Variants in URB2 observed in about 807,000 individuals in gnomAD.
URB2 encodes URB2 ribosome biogenesis homolog.
A neutral mutation model predicts 120.9 loss-of-function variants in URB2; 86 were observed. That is an observed-to-expected ratio of 0.71 (90% CI 0.60 to 0.85). URB2 has a LOEUF of 0.85. Among genes scored for constraint, URB2 ranks in the 40% least tolerant of loss-of-function variants. The probability of loss-of-function intolerance (pLI) is 0.00; values close to 1 mark genes in which losing one functional copy is unlikely to be tolerated. For synonymous variants in URB2, 755 were observed against 758.4 expected, an observed-to-expected ratio of 1.00 and a Z score of 0.07; for missense variants, 1,765 against 1,836.5, an observed-to-expected ratio of 0.96 and a Z score of 0.71.
chr1:229,638,289 C>T lies in URB2; in HGVS notation c.3634+42C>T, dbSNP rs536928899. The T allele has an allele frequency of 5.9e-6, 9 of 1,523,144 alleles. No homozygotes were observed. The East Asian group carries it at 1.6e-4, about 27-fold the overall frequency. The allele number at this position is 1,523,144 out of a possible 1,614,324, so 94.4% of individuals were successfully genotyped here. A position where few individuals can be genotyped will look rare whatever the true frequency, so the allele number is the denominator to read the frequency against. On this transcript the variant is annotated intron_variant, in intron 4 of 9. Coordinates refer to ENST00000258243, the MANE Select transcript of URB2 (RefSeq NM_014777.4). ...TGAGCTAATTCTGTGTTATAGAGGT[C>T]TGGTTTCCACTGCTCCCCTTTTTGG...
At position 229,632,408 on chromosome 1, in the gene URB2, A is replaced by G. The variant is rs369255316; in HGVS notation, c.266A>G (p.Asn89Ser). Residue 89 changes from asparagine to serine, a missense_variant, in exon 3 of 10, where the codon AAT (asparagine) becomes AGT (serine). Transcript: ENST00000258243. ...HSRKLQNLLK[N>S]GKTINLQISL... is the part of the protein sequence containing the mutation. The stretch of plus-strand genomic sequence containing the variant: ...AGAAAATTGCAGAATCTCCTCAAGA[A>G]TGGAAAGACCATTAATCTTCAGATT... 370 of 1,578,756 alleles carry G rather than the reference A, an allele frequency of 2.3e-4. No homozygotes were observed. The highest frequency in any genetic ancestry group is 3.0e-4 in the Non-Finnish European group (355 of 1,168,198).
In URB2 at chr1:229,636,097, C is replaced by G; in HGVS notation, c.1484C>G (p.Ser495Cys). 1 of 1,614,238 alleles carries G rather than the reference C, an allele frequency of 6.2e-7. No homozygotes were observed. The highest frequency in any genetic ancestry group is 8.5e-7 in the Non-Finnish European group (1 of 1,180,034). ...LRQPVLASGP[S>C]TVLSACLLEL... ...CAGCCTGTGCTGGCCTCGGGCCCCT[C>G]CACGGTACTCTCTGCATGCCTCCTG... Residue 495 changes from serine (S) to cysteine (C), a missense_variant, in exon 4 of 10, where the codon TCC becomes TGC. By Grantham distance (112) the Ser-to-Cys change is moderately radical (BLOSUM62 -1). Transcript: ENST00000258243.
chr1:229,658,466 T>C (rs1031459658), intron 9 of URB2, among the ~76,000 whole-genome samples: 10 of 152,222 alleles, frequency 6.6e-5, no homozygotes, highest in Non-Finnish European at 1.0e-4. Context: ...ATTAAGTGCA[T>C]ATTGTGCTGT....
intron 3 of URB2, among the ~76,000 whole-genome samples, chr1:229,633,491 A>T (rs1323369732): frequency 1.3e-5 from 2 of 152,238 alleles, no homozygotes; most frequent in Non-Finnish European, 2.9e-5. Context: ...GGAAAAATCG[A>T]TGAGTTGTAT....
Position 229,635,402 on chromosome 1 carries a change from AG to A in URB2, c.793del (p.Asp265MetfsTer2), listed in dbSNP as rs1665775411. The A allele has an allele frequency of 6.2e-7, 1 of 1,613,962 alleles. No individual in the cohort carries two copies. Among genetic ancestry groups the A allele is most frequent in the Non-Finnish European group, 8.5e-7 (1 of 1,180,008 alleles). The stretch of plus-strand genomic sequence containing the variant: ...AGGAGGGGCTCTTGGACCAGCAGCA[AG>A]GGGATGTGAAGACGGGAGCCATGAA... ...YKEGLLDQQQ[G>X]DVKTGAMKNL... On this transcript the variant is annotated frameshift_variant, in exon 4 of 10. Transcript: ENST00000258243. LOFTEE classifies it high-confidence loss of function.
intron 3 of URB2, 110 bp downstream of exon 3, chr1:229,632,555 G>T: frequency 1.1e-6 from 1 of 893,738 alleles, no homozygotes; most frequent in Non-Finnish European, 1.6e-6. Context: ...AAATACTAAG[G>T]TAGGAGAAAA....
rs1237274863 is a variant in URB2 at position 229,654,385 on chromosome 1, G to A, written c.4374G>A (p.Gln1458=). 1 of 1,614,106 alleles carries A rather than the reference G, an allele frequency of 6.2e-7. No homozygotes were observed. Among genetic ancestry groups the A allele is most frequent in the Non-Finnish European group, 8.5e-7 (1 of 1,180,058 alleles). Residue 1458 remains glutamine, a synonymous_variant, in exon 9 of 10, where the codon CAG becomes CAA. Coordinates refer to ENST00000258243, the MANE Select transcript of URB2 (RefSeq NM_014777.4). The part of the protein sequence containing the change: ...FMVAQYVLEV[Q]KVTLYPAVKS... ...TGGCCCAGTACGTGTTGGAGGTACA[G>A]AAGGTAAAATTGGGTTCAATGTCTT...
intron 3 of URB2, among the ~76,000 whole-genome samples, chr1:229,632,734 GT>G (rs1665702927): frequency 6.7e-6 from 1 of 149,492 alleles, no homozygotes; most frequent in African/African-American, 2.5e-5. Context: ...TCTCTGATTT[GT>G]TTTTCTTCTT....
In URB2 at chr1:229,636,350, C is replaced by T. The variant is rs754675516; in HGVS notation, c.1737C>T (p.Leu579=). The change falls in exon 4 of 10, where the codon CTC becomes CTT. Residue 579 remains leucine, a synonymous_variant. Coordinates refer to ENST00000258243, the MANE Select transcript of URB2 (RefSeq NM_014777.4). ...QCMMERMMRE[L]VQPLLALLPD... ...TGATGGAGAGGATGATGAGGGAGCT[C>T]GTGCAGCCCCTGCTGGCCCTTCTCC... 2.2e-5 allele frequency: 35 copies of T among 1,614,158 alleles called. No homozygotes were observed. Among genetic ancestry groups the T allele is most frequent in the Middle Eastern group, 1.6e-4 (1 of 6,062 alleles).
chr1:229,659,190 C>T lies in URB2; in HGVS notation c.4468C>T (p.Arg1490Trp), dbSNP rs114573548. ...CATCGAGCCTGACGTCCAGTTCCTG[C>T]GGGCCTCGCTGCAGCCGGGAATGAG... ...LCIEPDVQFL[R>W]ASLQPGMRDI... The change falls in exon 10 of 10, where the codon CGG becomes TGG. Residue 1490 changes from arginine (R) to tryptophan (W), a missense_variant. Physicochemically the swap from Arg to Trp is moderately radical, Grantham distance 101. Coordinates refer to ENST00000258243, the MANE Select transcript of URB2 (RefSeq NM_014777.4). 99 of 1,613,736 alleles carry T rather than the reference C, an allele frequency of 6.1e-5. No individual in the cohort carries two copies. The East Asian group carries it at 8.9e-4, about 15-fold the overall frequency.
intron 6 of URB2, 39 bp downstream of exon 6, chr1:229,646,008 C>T (rs1666140176): frequency 1.9e-6 from 3 of 1,578,172 alleles, no homozygotes; most frequent in Admixed American, 1.7e-5. Context: ...AGCTCCTCCC[C>T]TCCCTCTTCC....
At position 229,630,227 on chromosome 1, in the gene URB2, C is replaced by T. The variant is rs982545882; in HGVS notation, c.127-2042C>T. Among the ~76,000 whole-genome samples, 5 of 152,268 alleles carry T rather than the reference C, an allele frequency of 3.3e-5. No homozygotes were observed. The East Asian group carries it at 5.8e-4, about 18-fold the overall frequency. On this transcript the variant is annotated intron_variant, in intron 2 of 9. Transcript: ENST00000258243. ...TCTTCAGTTTGACTTTCTCCACATCCGTCAGAGAAATCACTATGGCACCTA... is the reference window on the plus strand; with the variant it reads ...TCTTCAGTTTGACTTTCTCCACATCTGTCAGAGAAATCACTATGGCACCTA...
rs761301055 is a variant in URB2 at position 229,636,779 on chromosome 1, C to T, written c.2166C>T (p.Ser722=). The T allele has an allele frequency of 3.5e-5, 56 of 1,612,088 alleles. No homozygotes were observed. The highest frequency in any genetic ancestry group is 3.8e-5 in the Non-Finnish European group (45 of 1,178,638). The change falls in exon 4 of 10, where the codon TCC becomes TCT. Residue 722 remains serine, a synonymous_variant. Coordinates refer to ENST00000258243, the MANE Select transcript of URB2 (RefSeq NM_014777.4). ...GCTTGAATCAGAGAACGACGGCTTC[C>T]TGGGATGGCCAAGTTGGGATGGTGA... ...RKSLNQRTTA[S]WDGQVGMVSG...
At chr1:229,632,129 G>C (rs1665681754) in intron 2 of URB2, 140 bp from the exon 3 acceptor site, 1 of 545,228 alleles carries the variant, frequency 1.8e-6, no homozygotes, top group Admixed American at 4.2e-5. Context: ...TATTATCAAA[G>C]GTAAGTTGTA....
intron 8 of URB2, among the ~76,000 whole-genome samples, chr1:229,652,107 G>C (rs998985330): frequency 2.0e-5 from 3 of 152,082 alleles, no homozygotes; most frequent in African/African-American, 7.2e-5. Context: ...GCTTGAGCCC[G>C]GGAGGCGGAG....
At chr1:229,633,427 T>G (rs1665719734) in intron 3 of URB2, among the ~76,000 whole-genome samples, 1 of 152,250 alleles carries the variant, frequency 6.6e-6, no homozygotes, top group Non-Finnish European at 1.5e-5. Flanking sequence ...ATGTTAGTGC[T>G]GCAGCATATG....
At chr1:229,646,260 G>A (rs534149354) in intron 6 of URB2, among the ~76,000 whole-genome samples, 7 of 152,310 alleles carry the variant, frequency 4.6e-5, no homozygotes, top group South Asian at 2.1e-4. Context: ...GGAGGCTATC[G>A]TGGAGGCCTG....
intron 3 of URB2, among the ~76,000 whole-genome samples, chr1:229,634,553 C>G (rs907034191): frequency 1.3e-5 from 2 of 152,154 alleles, no homozygotes; most frequent in African/African-American, 4.8e-5. Flanking sequence ...GTGCAACTTT[C>G]CCTCTGCCTG....
chr1:229,630,838 C>T (rs1665642613), intron 2 of URB2, among the ~76,000 whole-genome samples: 1 of 151,928 alleles, frequency 6.6e-6, no homozygotes, highest in Non-Finnish European at 1.5e-5. Flanking sequence ...AAAAATTAGC[C>T]AGGCATGGTG....
Sources: allele counts gnomAD v4.1 joint callset (sites outside exome capture counted in the v4.1 genomes callset), GRCh38; gene constraint gnomAD v4.1.1; transcripts MANE v1.5; gene names NCBI Gene and HGNC (gene_info 2026-07-23, HGNC 2026-07-21).